The following KCNQ1 variants were observed in gnomAD, a reference collection of about 807,000 sequenced individuals.
The protein encoded by KCNQ1 is potassium voltage-gated channel subfamily Q member 1.
KCNQ1 carries 49 observed loss-of-function variants against 72.4 expected under a neutral mutation model. That is an observed-to-expected ratio of 0.68 (90% CI 0.54 to 0.86). The LOEUF (loss-of-function observed/expected upper bound fraction) is 0.86, where lower values mean the gene tolerates loss of function less well. Among genes scored for constraint, KCNQ1 ranks in the 40% least tolerant of loss-of-function variants. The pLI is 0.00. For synonymous variants in KCNQ1, 450 were observed against 412.6 expected (o/e 1.09, Z -1.10); for missense variants, 790 against 945.1 (o/e 0.84, Z 2.15).
intron 11 of KCNQ1, among the ~76,000 whole-genome samples, chr11:2,726,831 C>T (rs776435556): frequency 1.3e-4 from 20 of 152,348 alleles, no homozygotes; most frequent in Non-Finnish European, 2.8e-4. Flanking sequence ...CCGTGCCCCA[C>T]TGGCATGGGC....
At chr11:2,572,820 C>A in intron 5 of KCNQ1, 26 bp from the exon 6 acceptor site, 1 of 1,613,434 alleles carries the variant, frequency 6.2e-7, no homozygotes, top group African/African-American at 1.3e-5. Flanking sequence ...TTCCTGGAGC[C>A]CGACACTGTG....
At chr11:2,643,952 T>C in intron 10 of KCNQ1, 1 of 398,622 alleles carries the variant, frequency 2.5e-6, no homozygotes, top group Non-Finnish European at 4.4e-6. Context: ...CTGTAAAGTT[T>C]CTGCTGAAAA....
chr11:2,628,881 C>T (rs577966646), intron 10 of KCNQ1: 1 of 398,278 alleles, frequency 2.5e-6, no homozygotes, highest in South Asian at 1.3e-4. Context: ...TACCCTTTCC[C>T]CATTGTGTAC....
chr11:2,637,055 A>C (rs1047090690), intron 10 of KCNQ1: 2 of 151,578 alleles, frequency 1.3e-5, no homozygotes, highest in Non-Finnish European at 2.9e-5. Flanking sequence ...TTTTTATTGC[A>C]TCTATTTGAT....
At position 2,482,560 on chromosome 11, in the gene KCNQ1, C is replaced by G. The variant is rs1295432746; in HGVS notation, c.386+37076C>G. 6.6e-6 allele frequency among the ~76,000 whole-genome samples: 1 copy of G among 152,116 alleles called. No homozygotes were observed. The highest frequency in any genetic ancestry group is 2.4e-5 in the African/African-American group (1 of 41,422). ...AAAGGGTTCCTGCATTTTTATGGCT[C>G]TGACACCTTTGGCCAAATCACCTTC... On this transcript the variant is annotated intron_variant, in intron 1 of 15. Transcript: ENST00000155840. This position sits in a 1 kb window ranked among gnomAD's most constrained non-coding sequence, Gnocchi z 5.7.
intron 11 of KCNQ1, chr11:2,681,703 T>A (rs1007221381): frequency 2.2e-5 from 5 of 232,290 alleles, no homozygotes; most frequent in Non-Finnish European, 3.3e-5. Context: ...TTGCTTCCCA[T>A]GTGTCTGTTC....
At position 2,713,925 on chromosome 11, in the gene KCNQ1, G is replaced by A. The variant is rs577896876; in HGVS notation, c.1514+51844G>A. On this transcript the variant is annotated intron_variant, in intron 11 of 15. Coordinates refer to ENST00000155840, the MANE Select transcript of KCNQ1 (RefSeq NM_000218.3). This position sits in a 1 kb window ranked among gnomAD's most constrained non-coding sequence, Gnocchi z 5.6. Reference sequence around the variant, plus strand: ...GGCCCAGCACGCCGCTCACTGCCGCGCCTTTGTTCTCTGCTTCCTGCTCGG... The same window carrying A: ...GGCCCAGCACGCCGCTCACTGCCGCACCTTTGTTCTCTGCTTCCTGCTCGG... Among the ~76,000 whole-genome samples the A allele has an allele frequency of 8.5e-5, 13 of 152,378 alleles. No individual in the cohort carries two copies. In the East Asian group the frequency reaches 2.1e-3, roughly 25 times the overall value.
intron 10 of KCNQ1, among the ~76,000 whole-genome samples, chr11:2,607,803 A>G (rs1848905749): frequency 6.6e-6 from 1 of 152,218 alleles, no homozygotes; most frequent in Non-Finnish European, 1.5e-5. Flanking sequence ...TCCTGAAATA[A>G]GTCCCATTTG....
chr11:2,479,330 C>T lies in KCNQ1; in HGVS notation c.386+33846C>T, dbSNP rs1342434945. On this transcript the variant is annotated intron_variant, in intron 1 of 15. Transcript: ENST00000155840. The surrounding 1 kb of genome is among the most constrained non-coding windows in gnomAD (Gnocchi z 4.6). The stretch of plus-strand genomic sequence containing the variant: ...CTTCCTCACTGCCCTAGCAGAGGTT[C>T]TCCATGAGGACCCCACCCCTGCAGC... Among the ~76,000 whole-genome samples, 1 of 152,230 alleles carries T rather than the reference C, an allele frequency of 6.6e-6. No individual in the cohort carries two copies. Among genetic ancestry groups the T allele is most frequent in the Non-Finnish European group, 1.5e-5 (1 of 68,032 alleles).
rs1405797490 is a variant in KCNQ1 at position 2,486,114 on chromosome 11, A to T, written c.386+40630A>T. Among the ~76,000 whole-genome samples the T allele has an allele frequency of 6.6e-6, 1 of 152,186 alleles. No individual in the cohort carries two copies. The highest frequency in any genetic ancestry group is 2.4e-5 in the African/African-American group (1 of 41,440). On this transcript the variant is annotated intron_variant, in intron 1 of 15. Transcript: ENST00000155840. The surrounding 1 kb of genome is among the most constrained non-coding windows in gnomAD (Gnocchi z 5.0). ...TATAGTTTTAATTTCTTGAGGAACC[A>T]CTATGCCGTTTTCCACAGTAGCTAC...
At position 2,506,336 on chromosome 11, in the gene KCNQ1, C is replaced by T. The variant is rs144497444; in HGVS notation, c.387-21592C>T. 7.8e-4 allele frequency among the ~76,000 whole-genome samples: 119 copies of T among 152,310 alleles called. 1 individual carries two copies. Among genetic ancestry groups the T allele is most frequent in the East Asian group, 5.8e-3 (30 of 5,188 alleles). On this transcript the variant is annotated intron_variant, in intron 1 of 15. Transcript: ENST00000155840. ...GAACTTTTTGAATTTGCTTTTCTCA[C>T]GTAATAGTATTTCCTAGAGACCACT...
intron 11 of KCNQ1, chr11:2,684,128 G>A (rs775072898): frequency 5.0e-6 from 2 of 398,598 alleles, no homozygotes; most frequent in East Asian, 3.6e-5. Context: ...TAAGGGGACC[G>A]TTTCCCTTGA....
intron 15 of KCNQ1, among the ~76,000 whole-genome samples, chr11:2,831,240 A>G (rs537810501): frequency 6.6e-6 from 1 of 152,142 alleles, no homozygotes; most frequent in Non-Finnish European, 1.5e-5. Context: ...GTCCCTGAGG[A>G]GGCACCTCAG....
Position 2,698,132 on chromosome 11 carries a change from C to G in KCNQ1, c.1514+36051C>G, listed in dbSNP as rs1590039174. The G allele has an allele frequency of 2.5e-6, 1 of 398,624 alleles. No homozygotes were observed. The allele number at this position is 398,624 out of a possible 1,614,324, so 24.7% of individuals were successfully genotyped here. On this transcript the variant is annotated intron_variant, in intron 11 of 15. Coordinates refer to ENST00000155840, the MANE Select transcript of KCNQ1 (RefSeq NM_000218.3). This position sits in a 1 kb window ranked among gnomAD's most constrained non-coding sequence, Gnocchi z 5.1. Reference sequence around the variant, plus strand: ...GGCTCTTGGCTGGGTACAGAGCAGGCAGCAGAAAACAAAACAGAGTTCCTC... The same window carrying G: ...GGCTCTTGGCTGGGTACAGAGCAGGGAGCAGAAAACAAAACAGAGTTCCTC...
rs1351299074 is a variant in KCNQ1 at position 2,592,221 on chromosome 11, T to G, written c.1393+3367T>G. 6.6e-6 allele frequency among the ~76,000 whole-genome samples: 1 copy of G among 152,144 alleles called. No homozygotes were observed. Among genetic ancestry groups the G allele is most frequent in the Non-Finnish European group, 1.5e-5 (1 of 68,024 alleles). ...GTGCGGTGTTGGCCCCATTTATAGA[T>G]GGAGAAACGGAAGGCCAGGGCCATG... On this transcript the variant is annotated intron_variant, in intron 10 of 15. Transcript: ENST00000155840. The surrounding 1 kb of genome is among the most constrained non-coding windows in gnomAD (Gnocchi z 5.2).
rs967240153 is a variant in KCNQ1 at position 2,711,481 on chromosome 11, A to G, written c.1514+49400A>G. ...CCTCCTGTGGGCTTACTGAGCCACC[A>G]TCTTATCCAAGTGCTCTGTGGCAGC... On this transcript the variant is annotated intron_variant, in intron 11 of 15. Transcript: ENST00000155840. The surrounding 1 kb of genome is among the most constrained non-coding windows in gnomAD (Gnocchi z 5.4). Among the ~76,000 whole-genome samples the G allele has an allele frequency of 6.6e-6, 1 of 152,146 alleles. No individual in the cohort carries two copies. The highest frequency in any genetic ancestry group is 1.5e-5 in the Non-Finnish European group (1 of 68,036).
rs561818518 is a variant in KCNQ1, at chr11:2,531,238, G to A, written c.477+3220G>A. On this transcript the variant is annotated intron_variant, in intron 2 of 15. Transcript: ENST00000155840. ...GACGTGCCCTGGGCTCCACATGCCC[G>A]TCTGCAGCTCGAGAATTAGACGTGC... Among the ~76,000 whole-genome samples, 142 of 151,342 alleles carry A rather than the reference G, an allele frequency of 9.4e-4. 5 individuals carry two copies. Among genetic ancestry groups the A allele is most frequent in the African/African-American group, 3.0e-3 (125 of 40,988 alleles).
At chr11:2,646,733 C>T (rs760860237) in intron 10 of KCNQ1, 9 of 398,496 alleles carry the variant, frequency 2.3e-5, no homozygotes, top group Non-Finnish European at 2.2e-5. Context: ...CCAGGACAGT[C>T]TCAAACTCCT....
chr11:2,750,911 C>G lies in KCNQ1; in HGVS notation c.1515-17933C>G, dbSNP rs1162304545. On this transcript the variant is annotated intron_variant, in intron 11 of 15. Coordinates refer to ENST00000155840, the MANE Select transcript of KCNQ1 (RefSeq NM_000218.3). This position sits in a 1 kb window ranked among gnomAD's most constrained non-coding sequence, Gnocchi z 6.3. ...CTCCCCAGGATTTAAACGGGGTCCT[C>G]CCCAGCTGCCTGCCTACACCCCAAC... Among the ~76,000 whole-genome samples the G allele has an allele frequency of 6.6e-6, 1 of 152,208 alleles. No homozygotes were observed. Among genetic ancestry groups the G allele is most frequent in the African/African-American group, 2.4e-5 (1 of 41,444 alleles).
Sources: gnomAD v4.1 joint callset for allele counts (sites outside exome capture counted in the v4.1 genomes callset) on GRCh38, gnomAD v4.1.1 for gene constraint, Gnocchi (gnomAD v3.1) non-coding constraint, MANE v1.5 for transcripts, NCBI Gene and HGNC (gene_info 2026-07-23, HGNC 2026-07-21) for gene names.